RAB3GAP1: variants seen among roughly 807,000 people sequenced by gnomAD.
RAB3GAP1 encodes rab3 GTPase-activating protein catalytic subunit.
In RAB3GAP1, 86 loss-of-function variants were observed where a neutral mutation model predicts 130.7. That is an observed-to-expected ratio of 0.66 (90% CI 0.55 to 0.79). RAB3GAP1 has a LOEUF of 0.79. RAB3GAP1 is among the 30% of genes least tolerant of loss of function. The probability of loss-of-function intolerance (pLI) is 0.00; values close to 1 mark genes in which losing one functional copy is unlikely to be tolerated. For missense variants in RAB3GAP1, 1,029 were observed against 1,169.4 expected (o/e 0.88, Z 1.75); for synonymous variants, 367 against 401.7 (o/e 0.91, Z 1.03).
intron 3 of RAB3GAP1, among the ~76,000 whole-genome samples, chr2:135,068,460 A>T (rs1157706116): frequency 6.6e-6 from 1 of 152,046 alleles, no homozygotes; most frequent in Non-Finnish European, 1.5e-5. Context: ...TTTCTTAAAA[A>T]AAAAAAAAGA....
intron 3 of RAB3GAP1, among the ~76,000 whole-genome samples, chr2:135,075,910 C>CTTT (rs996535280): frequency 5.5e-5 from 7 of 126,730 alleles, no homozygotes; most frequent in Non-Finnish European, 8.4e-5. Context: ...TAACAGATTT[C>CTTT]TTTTTTTTTT....
chr2:135,154,596 GAA>G (rs775882586), intron 19 of RAB3GAP1, among the ~76,000 whole-genome samples: 29 of 152,218 alleles, frequency 1.9e-4, no homozygotes, highest in Admixed American at 7.9e-4. Context: ...GGCAGGAAAA[GAA>G]AAAGAGCCAA....
intron 5 of RAB3GAP1, among the ~76,000 whole-genome samples, chr2:135,099,070 A>C (rs930342273): frequency 2.6e-5 from 4 of 152,092 alleles, no homozygotes; most frequent in African/African-American, 9.7e-5. Context: ...TTCTGTTTAA[A>C]ACTGGCTAGG....
In RAB3GAP1 at chr2:135,080,837, C is replaced by G. The variant is rs7574206; in HGVS notation, c.151-10161C>G. ...AAGTCAAAAGTTGCGTACAAAAGAG[C>G]TTTTGGACTGAGCCTCGATATCATT... is the stretch of plus-strand genomic sequence containing the variant. On this transcript the variant is annotated intron_variant, in intron 3 of 23. Coordinates refer to ENST00000264158, the MANE Select transcript of RAB3GAP1 (RefSeq NM_012233.3). 9.8e-3 allele frequency among the ~76,000 whole-genome samples: 1,486 copies of G among 152,228 alleles called. 23 individuals carry two copies. The highest frequency in any genetic ancestry group is 0.034 in the African/African-American group (1,417 of 41,518).
At chr2:135,090,468 C>T (rs943738173) in intron 3 of RAB3GAP1, among the ~76,000 whole-genome samples, 2 of 152,000 alleles carry the variant, frequency 1.3e-5, no homozygotes, top group Non-Finnish European at 2.9e-5. Context: ...GGGAAAAATC[C>T]TTTTTTATGC....
In RAB3GAP1 at chr2:135,086,027, C is replaced by T. The variant is rs1019637689; in HGVS notation, c.151-4971C>T. On this transcript the variant is annotated intron_variant, in intron 3 of 23. Coordinates refer to ENST00000264158, the MANE Select transcript of RAB3GAP1 (RefSeq NM_012233.3). The stretch of plus-strand genomic sequence containing the variant: ...ATAGACTCATACAGTATGCACTCTT[C>T]GTATCTAACTTTTTTGCTGAACATG... Among the ~76,000 whole-genome samples the T allele has an allele frequency of 4.6e-5, 7 of 152,246 alleles. No individual in the cohort carries two copies. The South Asian group carries it at 1.2e-3, about 27-fold the overall frequency.
chr2:135,108,632 T>C (rs1462964293), intron 5 of RAB3GAP1, among the ~76,000 whole-genome samples: 1 of 152,040 alleles, frequency 6.6e-6, no homozygotes, highest in Non-Finnish European at 1.5e-5. Context: ...TCTCCCAGAC[T>C]ATGGTTTTCT....
chr2:135,130,934 G>T (rs932959069), intron 13 of RAB3GAP1, among the ~76,000 whole-genome samples: 1 of 152,134 alleles, frequency 6.6e-6, no homozygotes, highest in Non-Finnish European at 1.5e-5. Context: ...CAAGGGGGCT[G>T]TGAGAGCACA....
chr2:135,119,511 C>T (rs1558785708), intron 7 of RAB3GAP1, among the ~76,000 whole-genome samples: 1 of 152,194 alleles, frequency 6.6e-6, no homozygotes. Context: ...AGAACATTTG[C>T]TCCTTATTAT....
chr2:135,075,950 C>T (rs1412275761), intron 3 of RAB3GAP1, among the ~76,000 whole-genome samples: 1 of 140,864 alleles, frequency 7.1e-6, no homozygotes. Context: ...CTCACTCTGT[C>T]GCCAGGCTGT....
At position 135,170,668 on chromosome 2, in the gene RAB3GAP1, A is replaced by G. The variant is rs1489846829; in HGVS notation, c.*1887A>G. ...ATTGAATGTAATCCTACATTCATGTATTCATTGGCAGTACGGAGTAATAAA... is the reference window on the plus strand; with the variant it reads ...ATTGAATGTAATCCTACATTCATGTGTTCATTGGCAGTACGGAGTAATAAA... On this transcript the variant is annotated 3_prime_UTR_variant, in exon 24 of 24. Coordinates refer to ENST00000264158, the MANE Select transcript of RAB3GAP1 (RefSeq NM_012233.3). 2 of 152,158 alleles carry G rather than the reference A, an allele frequency of 1.3e-5. No individual in the cohort carries two copies. The highest frequency in any genetic ancestry group is 6.5e-5 in the Admixed American group (1 of 15,280). 9.4% of individuals were successfully genotyped at this position (152,158 alleles called of 1,614,324 possible).
intron 19 of RAB3GAP1, among the ~76,000 whole-genome samples, chr2:135,158,425 A>G (rs1573608129): frequency 6.6e-6 from 1 of 152,190 alleles, no homozygotes. Flanking sequence ...AAGGACTCAC[A>G]TTGGCCAAAT....
intron 14 of RAB3GAP1, among the ~76,000 whole-genome samples, chr2:135,133,474 G>A (rs915052967): frequency 6.6e-6 from 1 of 152,058 alleles, no homozygotes; most frequent in African/African-American, 2.4e-5. Flanking sequence ...GATGAGGTGA[G>A]AGAAAAAAGC....
intron 5 of RAB3GAP1, among the ~76,000 whole-genome samples, chr2:135,104,086 TG>T (rs1690526151): frequency 6.6e-6 from 1 of 152,194 alleles, no homozygotes; most frequent in Admixed American, 6.5e-5. Context: ...GCATGATCTG[TG>T]CTCAAATTAT....
chr2:135,120,703 T>C, intron 7 of RAB3GAP1, 116 bp from the exon 8 acceptor site: 1 of 802,724 alleles, frequency 1.2e-6, no homozygotes, highest in Non-Finnish European at 2.2e-6. Flanking sequence ...AATCTGAAAA[T>C]CCAGGTTTCA....
chr2:135,066,911 GGAA>G (rs1487141899), intron 3 of RAB3GAP1, among the ~76,000 whole-genome samples: 2 of 152,100 alleles, frequency 1.3e-5, no homozygotes, highest in Non-Finnish European at 1.5e-5. Flanking sequence ...AAAAATTCAT[GGAA>G]GAAGAATTAG....
intron 17 of RAB3GAP1, among the ~76,000 whole-genome samples, chr2:135,144,289 A>T (rs1293688415): frequency 2.0e-5 from 3 of 152,166 alleles, no homozygotes; most frequent in Admixed American, 2.0e-4. Context: ...GCTCTCAGCC[A>T]AAAGGGGCTG....
intron 17 of RAB3GAP1, among the ~76,000 whole-genome samples, chr2:135,142,849 C>A (rs1024435905): frequency 6.6e-6 from 1 of 151,404 alleles, no homozygotes; most frequent in Non-Finnish European, 1.5e-5. Flanking sequence ...TGGTATATAT[C>A]CCACTTGGGC....
intron 3 of RAB3GAP1, among the ~76,000 whole-genome samples, chr2:135,073,020 A>G (rs1246439976): frequency 3.3e-5 from 5 of 152,174 alleles, no homozygotes; most frequent in African/African-American, 1.2e-4. Flanking sequence ...CTGGTTAAAG[A>G]TTTAGGTAGC....
Sources: allele counts gnomAD v4.1 joint callset (sites outside exome capture counted in the v4.1 genomes callset), GRCh38; gene constraint gnomAD v4.1.1; transcripts MANE v1.5; gene names NCBI Gene and HGNC (gene_info 2026-07-23, HGNC 2026-07-21).